The following SORCS2 variants were observed in gnomAD, a reference collection of about 807,000 sequenced individuals.
The protein encoded by SORCS2 is sortilin related VPS10 domain containing receptor 2.
SORCS2 carries 100 observed loss-of-function variants against 141.6 expected under a neutral mutation model. The observed-to-expected ratio is 0.71, with a 90% CI of 0.60 to 0.83. The LOEUF (loss-of-function observed/expected upper bound fraction) is 0.83, where lower values mean the gene tolerates loss of function less well. Among genes scored for constraint, SORCS2 ranks in the 40% least tolerant of loss-of-function variants. The pLI is 0.00. For missense variants in SORCS2, 1,646 were observed against 1,560.2 expected (o/e 1.05, Z -0.93); for synonymous variants, 789 against 676.9 (o/e 1.17, Z -2.57).
rs1224882573 is a variant in SORCS2 at position 7,436,425 on chromosome 4, C to A, written c.548+40070C>A. ...GCAAACAGAAGGGCCTGCCCCTTGGCGTGAACGCAGCTGTGTGCCAGACTT... is the reference window on the plus strand; with the variant it reads ...GCAAACAGAAGGGCCTGCCCCTTGGAGTGAACGCAGCTGTGTGCCAGACTT... On this transcript the variant is annotated intron_variant, in intron 2 of 26. Coordinates refer to ENST00000507866, the MANE Select transcript of SORCS2 (RefSeq NM_020777.3). Among the ~76,000 whole-genome samples, 3 of 152,378 alleles carry A rather than the reference C, an allele frequency of 2.0e-5. No individual in the cohort carries two copies. In the South Asian group the frequency reaches 6.2e-4, roughly 32 times the overall value.
Position 7,704,290 on chromosome 4 carries a change from T to A in SORCS2, c.1868+6T>A. On this transcript the variant is annotated splice_donor_region_variant and intron_variant, in intron 14 of 26. Coordinates refer to ENST00000507866, the MANE Select transcript of SORCS2 (RefSeq NM_020777.3). ...GACGAGACGCTGGTCATGACGTGAGTGCGGGGACCGGGGAGTGGGCACTGG... is the reference window on the plus strand; with the variant it reads ...GACGAGACGCTGGTCATGACGTGAGAGCGGGGACCGGGGAGTGGGCACTGG... 6.2e-7 allele frequency: 1 copy of A among 1,605,676 alleles called. No homozygotes were observed. The highest frequency in any genetic ancestry group is 8.5e-7 in the Non-Finnish European group (1 of 1,176,250).
chr4:7,466,210 G>C (rs1172602077), intron 2 of SORCS2, among the ~76,000 whole-genome samples: 1 of 152,222 alleles, frequency 6.6e-6, no homozygotes, highest in African/African-American at 2.4e-5. Flanking sequence ...CAGGGCAGGT[G>C]GGGGTGAGAG....
intron 1 of SORCS2, among the ~76,000 whole-genome samples, chr4:7,267,410 C>T (rs1334853779): frequency 6.6e-6 from 1 of 152,140 alleles, no homozygotes; most frequent in Non-Finnish European, 1.5e-5. Context: ...AGTAGGGCGT[C>T]TATTTCCCCG....
At chr4:7,506,726 G>A (rs186675797) in intron 2 of SORCS2, among the ~76,000 whole-genome samples, 1 of 152,318 alleles carries the variant, frequency 6.6e-6, no homozygotes. Context: ...GCTGTGCATT[G>A]ACTAGTAGCC....
intron 2 of SORCS2, among the ~76,000 whole-genome samples, chr4:7,473,608 G>A (rs188799882): frequency 2.4e-4 from 37 of 152,330 alleles, no homozygotes; most frequent in African/African-American, 7.7e-4. Flanking sequence ...AGACAGAATC[G>A]GGTCACAAAG....
chr4:7,208,623 A>C (rs1254018151), intron 1 of SORCS2, among the ~76,000 whole-genome samples: 1 of 152,176 alleles, frequency 6.6e-6, no homozygotes, highest in East Asian at 1.9e-4. Context: ...TCCTGGTCCC[A>C]GCGGGATGCC....
At position 7,436,678 on chromosome 4, in the gene SORCS2, C is replaced by G. The variant is rs895884518; in HGVS notation, c.548+40323C>G. On this transcript the variant is annotated intron_variant, in intron 2 of 26. Transcript: ENST00000507866. Reference sequence around the variant, plus strand: ...ATTGTCGTTTCTGGGTAGAATTCCACTGGGCAGGTGGAATGCCCCACTGGG... The same window carrying G: ...ATTGTCGTTTCTGGGTAGAATTCCAGTGGGCAGGTGGAATGCCCCACTGGG... Among the ~76,000 whole-genome samples, 5 of 152,214 alleles carry G rather than the reference C, an allele frequency of 3.3e-5. No homozygotes were observed. The East Asian group carries it at 9.7e-4, about 29-fold the overall frequency.
intron 1 of SORCS2, among the ~76,000 whole-genome samples, chr4:7,368,730 C>T (rs1490400320): frequency 2.0e-5 from 3 of 152,270 alleles, no homozygotes; most frequent in Admixed American, 6.5e-5. Flanking sequence ...ATCATGAAAA[C>T]GAATGCATAA....
intron 2 of SORCS2, among the ~76,000 whole-genome samples, chr4:7,513,388 C>T (rs756778358): frequency 5.9e-5 from 9 of 152,134 alleles, no homozygotes; most frequent in African/African-American, 1.7e-4. Flanking sequence ...AGAGGGAAAA[C>T]GGGGCTTCAC....
intron 1 of SORCS2, among the ~76,000 whole-genome samples, chr4:7,217,734 A>G (rs190148749): frequency 4.6e-5 from 7 of 152,320 alleles, no homozygotes; most frequent in African/African-American, 1.7e-4. Context: ...ACGCACACAC[A>G]AAGAGGAAAA....
chr4:7,429,522 CA>C (rs1265388887), intron 2 of SORCS2, among the ~76,000 whole-genome samples: 1 of 152,236 alleles, frequency 6.6e-6, no homozygotes, highest in East Asian at 1.9e-4. Flanking sequence ...AAAAATATAA[CA>C]ATGAAAATGC....
At chr4:7,246,257 ACATC>A (rs750274903) in intron 1 of SORCS2, among the ~76,000 whole-genome samples, 4 of 152,216 alleles carry the variant, frequency 2.6e-5, no homozygotes, top group Non-Finnish European at 5.9e-5. Flanking sequence ...GTACCTGGTC[ACATC>A]CATGTAAGGA....
rs35369780 is a variant in SORCS2 at position 7,663,074 on chromosome 4, ATGAGTGAG to A, written c.953-1267_953-1260del. 4.6e-5 allele frequency among the ~76,000 whole-genome samples: 7 copies of A among 151,262 alleles called. No homozygotes were observed. Among genetic ancestry groups the A allele is most frequent in the Non-Finnish European group, 8.8e-5 (6 of 67,882 alleles). ...AATGATTGAGTGAAAGAGTGGGTGA[ATGAGTGAG>A]TGAGTGAGTGAATGAGTAAGTGAAT... is the stretch of plus-strand genomic sequence containing the variant. On this transcript the variant is annotated intron_variant, in intron 6 of 26. Transcript: ENST00000507866. This position sits in a 1 kb window ranked among gnomAD's most constrained non-coding sequence, Gnocchi z 4.8.
intron 2 of SORCS2, among the ~76,000 whole-genome samples, chr4:7,501,293 C>G (rs2109430286): frequency 6.6e-6 from 1 of 152,288 alleles, no homozygotes; most frequent in Admixed American, 6.5e-5. Flanking sequence ...GTTCTTGGTT[C>G]CTTGGTTGCA....
At chr4:7,384,925 C>T (rs555313335) in intron 1 of SORCS2, among the ~76,000 whole-genome samples, 49 of 152,196 alleles carry the variant, frequency 3.2e-4, no homozygotes, top group Non-Finnish European at 4.9e-4. Flanking sequence ...CCAGGCTCGC[C>T]GGCTCAGCTT....
At chr4:7,268,463 A>G (rs1714894801) in intron 1 of SORCS2, among the ~76,000 whole-genome samples, 1 of 152,206 alleles carries the variant, frequency 6.6e-6, no homozygotes, top group Admixed American at 6.5e-5. Flanking sequence ...GGGGCCGTCA[A>G]ACTGAAGGAA....
chr4:7,689,638 A>C, intron 11 of SORCS2, 50 bp downstream of exon 11: 2 of 1,500,290 alleles, frequency 1.3e-6, no homozygotes, highest in Non-Finnish European at 1.8e-6. Context: ...ACAGCCCAAG[A>C]GTACCTCCAA....
At chr4:7,534,643 G>A (rs1400574715) in intron 3 of SORCS2, among the ~76,000 whole-genome samples, 1 of 152,200 alleles carries the variant, frequency 6.6e-6, no homozygotes, top group Non-Finnish European at 1.5e-5. Context: ...CAGGCCTGCA[G>A]GGGGAGCTGG....
At chr4:7,372,109 C>T (rs2878610) in intron 1 of SORCS2, among the ~76,000 whole-genome samples, 80,643 of 151,962 alleles carry the variant, frequency 0.53, 21,671 homozygotes, top group Middle Eastern at 0.6. Flanking sequence ...CCTTTCATTG[C>T]GGCCCTTGCT....
Sources: gnomAD v4.1 joint callset for allele counts (sites outside exome capture counted in the v4.1 genomes callset) on GRCh38, gnomAD v4.1.1 for gene constraint, Gnocchi (gnomAD v3.1) non-coding constraint, MANE v1.5 for transcripts, NCBI Gene and HGNC (gene_info 2026-07-23, HGNC 2026-07-21) for gene names.